Variants in MAP3K2 observed in about 807,000 individuals in gnomAD.
The protein encoded by MAP3K2 is MAP/ERK kinase kinase 2.
Under a neutral mutation model 80.3 loss-of-function variants are expected in MAP3K2, and 24 were observed. The ratio of observed to expected loss-of-function variants is 0.30; its 90% CI spans 0.22 to 0.42. The LOEUF is 0.42. Ranked by LOEUF, MAP3K2 falls within the 10% of genes least tolerant of loss-of-function variation. MAP3K2 has a pLI of 1.00. For missense variants in MAP3K2, 608 were observed against 750.1 expected (o/e 0.81, Z 2.21); for synonymous variants, 244 against 253.7 (o/e 0.96, Z 0.36).
intron 15 of MAP3K2, among the ~76,000 whole-genome samples, chr2:127,311,843 C>T (rs1014989724): frequency 2.6e-5 from 4 of 152,160 alleles, no homozygotes; most frequent in African/African-American, 9.7e-5. Flanking sequence ...TTGGGAGTCA[C>T]TGATAAATCT....
At chr2:127,373,226 A>T (rs1361702381) in intron 1 of MAP3K2, among the ~76,000 whole-genome samples, 1 of 152,182 alleles carries the variant, frequency 6.6e-6, no homozygotes, top group Non-Finnish European at 1.5e-5. Context: ...CATTTTATGG[A>T]TGATATTTTA....
chr2:127,308,097 T>C (rs2104803228), intron 16 of MAP3K2, among the ~76,000 whole-genome samples: 1 of 152,326 alleles, frequency 6.6e-6, no homozygotes, highest in South Asian at 2.1e-4. Flanking sequence ...AATTTTTGTC[T>C]TTATCTTACA....
intron 1 of MAP3K2, among the ~76,000 whole-genome samples, chr2:127,365,933 TC>T (rs1169868369): frequency 6.6e-6 from 1 of 152,202 alleles, no homozygotes; most frequent in African/African-American, 2.4e-5. Context: ...CTTAAATGAT[TC>T]AAGTACTCAA....
At chr2:127,336,221 A>C (rs1335304352) in intron 4 of MAP3K2, among the ~76,000 whole-genome samples, 1 of 152,218 alleles carries the variant, frequency 6.6e-6, no homozygotes, top group Non-Finnish European at 1.5e-5. Flanking sequence ...GCAGTTTTTA[A>C]TTTGCACTGA....
At chr2:127,349,071 T>C (rs1686645428) in intron 1 of MAP3K2, among the ~76,000 whole-genome samples, 1 of 152,200 alleles carries the variant, frequency 6.6e-6, no homozygotes, top group African/African-American at 2.4e-5. Flanking sequence ...TATTTTCAAA[T>C]GTCAAGTAAC....
In MAP3K2 at chr2:127,298,871, C is replaced by T. The variant is rs937394686; in HGVS notation, c.*8708G>A. 20 of 151,942 alleles carry T rather than the reference C, an allele frequency of 1.3e-4. No homozygotes were observed. The highest frequency in any genetic ancestry group is 4.8e-4 in the African/African-American group (20 of 41,336). 9.4% of individuals were successfully genotyped at this position (151,942 alleles called of 1,614,324 possible). ...TAAACCTCAACAAAATGTGTGCCAA[C>T]AATATACAAATTTCCATATAAACAA... On this transcript the variant is annotated 3_prime_UTR_variant, in exon 17 of 17. Coordinates refer to ENST00000682094, the MANE Select transcript of MAP3K2 (RefSeq NM_001371910.2).
At chr2:127,373,038 A>G (rs768722926) in intron 1 of MAP3K2, among the ~76,000 whole-genome samples, 8 of 152,194 alleles carry the variant, frequency 5.3e-5, no homozygotes, top group Non-Finnish European at 1.0e-4. Context: ...CCCCTAGCAG[A>G]AGAGGACAGA....
rs1485428561 is a variant in MAP3K2, at chr2:127,304,831, A to G, written c.*2748T>C. On this transcript the variant is annotated 3_prime_UTR_variant, in exon 17 of 17. Transcript: ENST00000682094. The stretch of plus-strand genomic sequence containing the variant: ...AAGCTTTTTTGTTCTAGTAGTTTTT[A>G]TATATATTAACTTTTATTGTGGTTT... 6.6e-6 allele frequency: 1 copy of G among 152,344 alleles called. No homozygotes were observed. The highest frequency in any genetic ancestry group is 1.5e-5 in the Non-Finnish European group (1 of 67,960). The allele number at this position is 152,344 out of a possible 1,614,324, so 9.4% of individuals were successfully genotyped here.
intron 4 of MAP3K2, among the ~76,000 whole-genome samples, chr2:127,336,827 G>C (rs1173075634): frequency 6.6e-6 from 1 of 152,112 alleles, no homozygotes; most frequent in Non-Finnish European, 1.5e-5. Flanking sequence ...AATTTCATGA[G>C]ACACTAATAG....
intron 1 of MAP3K2, among the ~76,000 whole-genome samples, chr2:127,374,168 T>C (rs1006213775): frequency 6.6e-5 from 10 of 152,184 alleles, no homozygotes; most frequent in African/African-American, 1.9e-4. Context: ...CCTTAGAAAC[T>C]TTCTCCACTC....
intron 1 of MAP3K2, among the ~76,000 whole-genome samples, chr2:127,365,921 C>T (rs1408587489): frequency 1.3e-5 from 2 of 152,148 alleles, no homozygotes; most frequent in African/African-American, 2.4e-5. Flanking sequence ...CTTGATTGAG[C>T]CCTTAAATGA....
chr2:127,371,042 T>C (rs955156025), intron 1 of MAP3K2, among the ~76,000 whole-genome samples: 2 of 152,146 alleles, frequency 1.3e-5, no homozygotes, highest in African/African-American at 4.8e-5. Context: ...TGCAATCAGG[T>C]ACATGAACCC....
intron 3 of MAP3K2, among the ~76,000 whole-genome samples, chr2:127,338,114 A>C (rs1686407932): frequency 6.6e-6 from 1 of 152,212 alleles, no homozygotes; most frequent in Non-Finnish European, 1.5e-5. Flanking sequence ...AACTAATTTC[A>C]TTTATCAGAA....
intron 1 of MAP3K2, among the ~76,000 whole-genome samples, chr2:127,354,056 A>G (rs2104864187): frequency 6.6e-6 from 1 of 152,082 alleles, no homozygotes; most frequent in Middle Eastern, 3.4e-3. Flanking sequence ...AGGCTCGTTA[A>G]GAGTCATCAC....
chr2:127,323,857 T>G, intron 11 of MAP3K2, 45 bp downstream of exon 11: 42 of 947,470 alleles, frequency 4.4e-5, no homozygotes, highest in Non-Finnish European at 6.3e-5. Flanking sequence ...TTTTTGTTGT[T>G]GAGATTTTTT....
intron 1 of MAP3K2, among the ~76,000 whole-genome samples, chr2:127,377,870 A>C (rs982012965): frequency 6.6e-6 from 1 of 152,192 alleles, no homozygotes; most frequent in African/African-American, 2.4e-5. Flanking sequence ...AGGACTACCA[A>C]GATAATACAG....
At chr2:127,328,045 T>A (rs1035581210) in intron 7 of MAP3K2, among the ~76,000 whole-genome samples, 17 of 152,222 alleles carry the variant, frequency 1.1e-4, no homozygotes, top group African/African-American at 3.6e-4. Flanking sequence ...GAGGCCAAGG[T>A]GGGTGGATCA....
intron 1 of MAP3K2, among the ~76,000 whole-genome samples, chr2:127,354,096 C>A (rs1385246654): frequency 6.6e-6 from 1 of 151,902 alleles, no homozygotes; most frequent in East Asian, 1.9e-4. Context: ...CCCAGGGACA[C>A]AAACACTGTG....
intron 1 of MAP3K2, among the ~76,000 whole-genome samples, chr2:127,352,712 C>G (rs537948101): frequency 1.3e-5 from 2 of 152,126 alleles, no homozygotes; most frequent in Admixed American, 1.3e-4. Flanking sequence ...CCCTCCCTCC[C>G]TCTCCCTCTC....
Sources: gnomAD v4.1 joint callset for allele counts (sites outside exome capture counted in the v4.1 genomes callset) on GRCh38, gnomAD v4.1.1 for gene constraint, MANE v1.5 for transcripts, NCBI Gene and HGNC (gene_info 2026-07-23, HGNC 2026-07-21) for gene names.